Variants in AP3B1 observed in about 807,000 individuals in gnomAD.
AP3B1 encodes adaptor related protein complex 3 subunit beta 1.
AP3B1 carries 61 observed loss-of-function variants against 132.5 expected under a neutral mutation model. The observed-to-expected ratio is 0.46, with a 90% CI of 0.37 to 0.57. The LOEUF is 0.57. Among genes scored for constraint, AP3B1 ranks in the 20% least tolerant of loss-of-function variants. AP3B1 has a pLI of 0.00. For synonymous variants in AP3B1, 388 were observed against 438.3 expected (o/e 0.89, Z 1.43); for missense variants, 1,120 against 1,289.4 (o/e 0.87, Z 2.01).
intron 7 of AP3B1, among the ~76,000 whole-genome samples, chr5:78,204,026 C>T (rs1480261605): frequency 6.6e-6 from 1 of 152,132 alleles, no homozygotes; most frequent in Non-Finnish European, 1.5e-5. Context: ...GCATATTTAA[C>T]ATGGTGATTT....
chr5:78,034,360 C>T lies in AP3B1; in HGVS notation c.2894+1G>A. 1 of 1,608,170 alleles carries T rather than the reference C, an allele frequency of 6.2e-7. No individual in the cohort carries two copies. Among genetic ancestry groups the T allele is most frequent in the Non-Finnish European group, 8.5e-7 (1 of 1,174,884 alleles). Reference sequence around the variant, plus strand: ...AAAAATAGAAGAACAATTGAACTTACCACAACTGGAAACTGGCAGTCTGAG... The same window carrying T: ...AAAAATAGAAGAACAATTGAACTTATCACAACTGGAAACTGGCAGTCTGAG... On this transcript the variant is annotated splice_donor_variant, in intron 24 of 26. Transcript: ENST00000255194. LOFTEE classifies it high-confidence loss of function.
intron 1 of AP3B1, among the ~76,000 whole-genome samples, chr5:78,272,886 T>C (rs1748606044): frequency 6.6e-6 from 1 of 152,206 alleles, no homozygotes; most frequent in African/African-American, 2.4e-5. Context: ...AGTCATGATC[T>C]ATTTAACAGG....
chr5:78,027,849 G>A (rs1747398866), intron 24 of AP3B1, among the ~76,000 whole-genome samples: 2 of 152,162 alleles, frequency 1.3e-5, no homozygotes, highest in Non-Finnish European at 2.9e-5. Flanking sequence ...GAATAGGCCA[G>A]GAACAGTGGC....
intron 3 of AP3B1, among the ~76,000 whole-genome samples, chr5:78,236,716 T>C (rs1746894922): frequency 6.6e-6 from 1 of 152,204 alleles, no homozygotes; most frequent in South Asian, 2.1e-4. Context: ...TTAGCAATTA[T>C]TCCTATTGCT....
chr5:78,161,432 G>T (rs1197427664), intron 13 of AP3B1, among the ~76,000 whole-genome samples: 1 of 151,862 alleles, frequency 6.6e-6, no homozygotes. Context: ...ATCTTTAATG[G>T]TACAAAGTTA....
At chr5:78,111,966 G>A (rs115494250) in intron 19 of AP3B1, among the ~76,000 whole-genome samples, 3,599 of 152,146 alleles carry the variant, frequency 0.024, 144 homozygotes, top group African/African-American at 0.082. Context: ...TCCAAAGTCC[G>A]TATTTTTTCC....
At chr5:78,217,532 A>C (rs553296638) in intron 6 of AP3B1, among the ~76,000 whole-genome samples, 1 of 152,198 alleles carries the variant, frequency 6.6e-6, no homozygotes, top group African/African-American at 2.4e-5. Flanking sequence ...TATTTGTTAT[A>C]GATATGGCAA....
chr5:78,145,000 T>C (rs1468270453), intron 14 of AP3B1, among the ~76,000 whole-genome samples: 1 of 152,020 alleles, frequency 6.6e-6, no homozygotes, highest in South Asian at 2.1e-4. Context: ...TGCCAGCTGA[T>C]AGTATGCATT....
chr5:78,109,153 T>A (rs912717803), intron 20 of AP3B1, among the ~76,000 whole-genome samples: 22 of 152,126 alleles, frequency 1.4e-4, no homozygotes, highest in African/African-American at 4.1e-4. Flanking sequence ...GTGAATTTTT[T>A]AAAAATAAAA....
At chr5:78,034,247 A>G (rs943160808) in intron 24 of AP3B1, 114 bp downstream of exon 24, 34 of 817,866 alleles carry the variant, frequency 4.2e-5, no homozygotes, top group East Asian at 2.3e-4. Flanking sequence ...AAAGCAAAAC[A>G]TATTTGTTTA....
chr5:78,208,246 C>T (rs530697018), intron 7 of AP3B1, among the ~76,000 whole-genome samples: 1 of 152,116 alleles, frequency 6.6e-6, no homozygotes, highest in Non-Finnish European at 1.5e-5. Flanking sequence ...GAACATATCT[C>T]CTGGGAAGAA....
At chr5:78,254,124 A>AGCTTGAAGACAG (rs1747757303) in intron 2 of AP3B1, among the ~76,000 whole-genome samples, 2 of 151,934 alleles carry the variant, frequency 1.3e-5, no homozygotes, top group Non-Finnish European at 2.9e-5. Context: ...AGAATTCATG[A>AGCTTGAAGACAG]GCTTGAAGAC....
intron 21 of AP3B1, 150 bp from the exon 22 acceptor site, chr5:78,089,649 T>G: frequency 1.5e-6 from 1 of 683,474 alleles, no homozygotes. Flanking sequence ...TTTAGTCAAC[T>G]TATTATCAAG....
At chr5:78,178,123 C>T (rs958596831) in intron 8 of AP3B1, among the ~76,000 whole-genome samples, 11 of 152,214 alleles carry the variant, frequency 7.2e-5, no homozygotes, top group African/African-American at 2.6e-4. Flanking sequence ...GAGACTGGGG[C>T]TTTTTAAGAA....
chr5:78,081,902 TA>T (rs5868901), intron 22 of AP3B1, among the ~76,000 whole-genome samples: 36,816 of 144,554 alleles, frequency 0.25, 4,683 homozygotes, highest in African/African-American at 0.32. Flanking sequence ...TTCTTTGCAA[TA>T]AAAAAAAAAA....
chr5:78,027,623 T>C (rs1457591733), intron 24 of AP3B1, among the ~76,000 whole-genome samples: 1 of 152,164 alleles, frequency 6.6e-6, no homozygotes, highest in African/African-American at 2.4e-5. Context: ...GAAGATTAAT[T>C]TGAGGTGCAA....
At chr5:78,239,511 C>T (rs903698882) in intron 3 of AP3B1, among the ~76,000 whole-genome samples, 1 of 143,158 alleles carries the variant, frequency 7.0e-6, no homozygotes, top group Non-Finnish European at 1.5e-5. Flanking sequence ...CGGTTGGTCA[C>T]GCCTGTAATC....
chr5:78,265,823 T>C (rs1748297695), intron 2 of AP3B1, among the ~76,000 whole-genome samples: 1 of 152,262 alleles, frequency 6.6e-6, no homozygotes, highest in East Asian at 1.9e-4. Context: ...CACAGCCAGC[T>C]ACTTCTGTAT....
At chr5:78,289,383 G>T (rs1749416090) in intron 1 of AP3B1, among the ~76,000 whole-genome samples, 1 of 152,204 alleles carries the variant, frequency 6.6e-6, no homozygotes, top group African/African-American at 2.4e-5. Context: ...CTTTATTGAT[G>T]CAATCCAAAT....
Sources: gnomAD v4.1 joint callset for allele counts (sites outside exome capture counted in the v4.1 genomes callset) on GRCh38, gnomAD v4.1.1 for gene constraint, MANE v1.5 for transcripts, NCBI Gene and HGNC (gene_info 2026-07-23, HGNC 2026-07-21) for gene names.